The following FGF12 variants were observed in gnomAD, a reference collection of about 807,000 sequenced individuals.
The protein encoded by FGF12 is fibroblast growth factor 12B.
A neutral mutation model predicts 23.6 loss-of-function variants in FGF12; 14 were observed. The observed-to-expected ratio is 0.59, with a 90% CI of 0.39 to 0.93. FGF12 has a LOEUF of 0.93. Among genes scored for constraint, FGF12 ranks in the 40% least tolerant of loss-of-function variants. FGF12 has a pLI of 0.00. For missense variants in FGF12, 175 were observed against 217.8 expected (o/e 0.80, Z 1.24); for synonymous variants, 62 against 77.3 (o/e 0.80, Z 1.04).
intron 5 of FGF12, among the ~76,000 whole-genome samples, chr3:192,157,348 A>G (rs1005121255): frequency 3.3e-5 from 5 of 152,202 alleles, no homozygotes; most frequent in Admixed American, 6.5e-5. Flanking sequence ...CTCTGTGATG[A>G]TATATGGTAT....
rs190185492 is a variant in FGF12 at position 192,349,313 on chromosome 3, G to A, written c.124+11115C>T. 1.7e-3 allele frequency among the ~76,000 whole-genome samples: 260 copies of A among 152,138 alleles called. 1 individual carries two copies. The highest frequency in any genetic ancestry group is 5.9e-3 in the African/African-American group (245 of 41,516). The stretch of plus-strand genomic sequence containing the variant: ...TTAGAGCAAATCAACTCTCACTTCA[G>A]AGCCTCAAAGTAAGGTAATGAATTT... On this transcript the variant is annotated intron_variant, in intron 3 of 5. Transcript: ENST00000445105.
intron 4 of FGF12, among the ~76,000 whole-genome samples, chr3:192,254,974 T>C (rs1431929841): frequency 6.6e-6 from 1 of 152,066 alleles, no homozygotes; most frequent in Non-Finnish European, 1.5e-5. Context: ...GCCATAGGTC[T>C]AGAGAGATGA....
At chr3:192,597,129 C>T (rs914428963) in intron 2 of FGF12, among the ~76,000 whole-genome samples, 1 of 152,070 alleles carries the variant, frequency 6.6e-6, no homozygotes, top group Admixed American at 6.6e-5. Flanking sequence ...TAGTCCAGGG[C>T]CTTGAGTAGT....
At chr3:192,502,472 G>A (rs1724159768) in intron 2 of FGF12, among the ~76,000 whole-genome samples, 1 of 152,182 alleles carries the variant, frequency 6.6e-6, no homozygotes, top group South Asian at 2.1e-4. Flanking sequence ...ACAGATAATG[G>A]AAAGGTGTAA....
At chr3:192,237,186 T>C (rs532820153) in intron 4 of FGF12, among the ~76,000 whole-genome samples, 105 of 152,276 alleles carry the variant, frequency 6.9e-4, no homozygotes, top group Middle Eastern at 3.4e-3. Flanking sequence ...CTCATAAGGG[T>C]TCTGCTGAAA....
intron 2 of FGF12, among the ~76,000 whole-genome samples, chr3:192,447,732 A>G (rs1371471009): frequency 6.6e-6 from 1 of 152,216 alleles, no homozygotes. Flanking sequence ...CCCATTTTTA[A>G]AAACTTAAGT....
chr3:192,584,813 G>A (rs1319108532), intron 2 of FGF12, among the ~76,000 whole-genome samples: 1 of 151,766 alleles, frequency 6.6e-6, no homozygotes, highest in Non-Finnish European at 1.5e-5. Flanking sequence ...GCTTCTCTTG[G>A]GCTTTTATGC....
chr3:192,396,776 G>A (rs1390149856), intron 2 of FGF12, among the ~76,000 whole-genome samples: 2 of 152,200 alleles, frequency 1.3e-5, no homozygotes, highest in Non-Finnish European at 2.9e-5. Context: ...AATGAACCCA[G>A]CTGCATAAAG....
chr3:192,331,937 G>A (rs1164307383), intron 4 of FGF12, among the ~76,000 whole-genome samples: 1 of 152,046 alleles, frequency 6.6e-6, no homozygotes, highest in African/African-American at 2.4e-5. Context: ...GTGAAAGGAA[G>A]ACATTTTCAT....
chr3:192,616,782 T>C (rs1436461597), intron 2 of FGF12, among the ~76,000 whole-genome samples: 1 of 151,804 alleles, frequency 6.6e-6, no homozygotes, highest in Non-Finnish European at 1.5e-5. Flanking sequence ...ATTCTCTGCC[T>C]TCTGCTATCT....
At chr3:192,611,570 A>G (rs1441230707) in intron 2 of FGF12, among the ~76,000 whole-genome samples, 1 of 152,034 alleles carries the variant, frequency 6.6e-6, no homozygotes, top group Non-Finnish European at 1.5e-5. Context: ...ATGGTTCTGA[A>G]CACAGCTTCA....
chr3:192,157,748 G>C (rs989242202), intron 5 of FGF12, among the ~76,000 whole-genome samples: 1 of 152,150 alleles, frequency 6.6e-6, no homozygotes, highest in African/African-American at 2.4e-5. Context: ...GGGCATTGCT[G>C]TTATTTATAA....
intron 2 of FGF12, among the ~76,000 whole-genome samples, chr3:192,417,434 A>G (rs1284046835): frequency 6.6e-6 from 1 of 151,898 alleles, no homozygotes; most frequent in Non-Finnish European, 1.5e-5. Context: ...TCTGACTTAG[A>G]ATTTTTGTTC....
At chr3:192,378,110 T>C (rs59581555) in intron 2 of FGF12, among the ~76,000 whole-genome samples, 3 of 107,024 alleles carry the variant, frequency 2.8e-5, no homozygotes, top group African/African-American at 1.2e-4. Context: ...TCTTTCCTTC[T>C]TTCTCTCTTT....
At chr3:192,224,136 A>C (rs1196941288) in intron 4 of FGF12, among the ~76,000 whole-genome samples, 2 of 152,154 alleles carry the variant, frequency 1.3e-5, no homozygotes, top group Non-Finnish European at 2.9e-5. Flanking sequence ...TACAAAATCC[A>C]TTATTACTAC....
intron 2 of FGF12, among the ~76,000 whole-genome samples, chr3:192,437,422 G>A (rs775307430): frequency 7.2e-5 from 11 of 152,302 alleles, no homozygotes; most frequent in South Asian, 2.1e-4. Flanking sequence ...GCCAGGCGCC[G>A]TGGCTCACGC....
chr3:192,604,767 GAAC>G (rs1259999020), intron 2 of FGF12, among the ~76,000 whole-genome samples: 1 of 152,054 alleles, frequency 6.6e-6, no homozygotes, highest in Non-Finnish European at 1.5e-5. Context: ...TAAGCAAAAA[GAAC>G]AAAGCCAGAG....
chr3:192,230,837 C>T (rs943655285), intron 4 of FGF12, among the ~76,000 whole-genome samples: 1 of 151,994 alleles, frequency 6.6e-6, no homozygotes, highest in Non-Finnish European at 1.5e-5. Flanking sequence ...TATAGTGCAT[C>T]AGCAATTGTG....
intron 2 of FGF12, among the ~76,000 whole-genome samples, chr3:192,688,719 C>T (rs561713134): frequency 2.0e-5 from 3 of 152,142 alleles, no homozygotes; most frequent in East Asian, 3.9e-4. Flanking sequence ...ACTATATAAT[C>T]CAGCATTTTC....
Sources: gnomAD v4.1 joint callset for allele counts (sites outside exome capture counted in the v4.1 genomes callset) on GRCh38, gnomAD v4.1.1 for gene constraint, MANE v1.5 for transcripts, NCBI Gene and HGNC (gene_info 2026-07-23, HGNC 2026-07-21) for gene names.